The following CAST variants were observed in gnomAD, a reference collection of about 807,000 sequenced individuals.
The protein encoded by CAST is calpastatin, also known as MIR583 host.
A neutral mutation model predicts 119.6 loss-of-function variants in CAST; 76 were observed. The observed-to-expected ratio is 0.64, with a 90% CI of 0.53 to 0.77. The LOEUF (loss-of-function observed/expected upper bound fraction) is 0.77, where lower values mean the gene tolerates loss of function less well. Among genes scored for constraint, CAST ranks in the 30% least tolerant of loss-of-function variants. CAST has a pLI of 0.00. For synonymous variants in CAST, 319 were observed against 331.6 expected (o/e 0.96, Z 0.41); for missense variants, 953 against 946.5 (o/e 1.01, Z -0.09).
intron 1 of CAST, among the ~76,000 whole-genome samples, chr5:96,596,033 G>A (rs1449487687): frequency 6.6e-6 from 1 of 152,190 alleles, no homozygotes; most frequent in Non-Finnish European, 1.5e-5. Context: ...TTTGTGCTTA[G>A]GAGTGTGAGG....
At chr5:96,374,569 G>C in the CAST span, among the ~76,000 whole-genome samples, 1 of 152,138 alleles carries the variant, frequency 6.6e-6, no homozygotes, top group African/African-American at 2.4e-5. Flanking sequence ...GTGTCGATGG[G>C]TACAGTAATT....
chr5:96,102,412 G>C, the CAST span, among the ~76,000 whole-genome samples: 1 of 152,294 alleles, frequency 6.6e-6, no homozygotes, highest in African/African-American at 2.4e-5. Context: ...AGTCGAGCCA[G>C]TTCTCTCCCC....
the CAST span, chr5:96,415,992 A>T: frequency 8.1e-7 from 1 of 1,231,670 alleles, no homozygotes; most frequent in Admixed American, 1.7e-5. Flanking sequence ...TGTAAGCTTC[A>T]CATTAAAATG....
Position 96,675,584 on chromosome 5 carries a change from A to G in CAST, c.121A>G (p.Lys41Glu). 6.2e-7 allele frequency: 1 copy of G among 1,613,314 alleles called. No homozygotes were observed. Among genetic ancestry groups the G allele is most frequent in the Non-Finnish European group, 8.5e-7 (1 of 1,179,280 alleles). Reference protein sequence around the residue: ...TSESPSKPGEKKGSDEKKAAS... With the variant: ...TSESPSKPGEEKGSDEKKAAS... ...TGAATCGCCTTCCAAACCAGGAGAAAAGAAAGGATCAGATGAGGTAATTTC... is the reference window on the plus strand; with the variant it reads ...TGAATCGCCTTCCAAACCAGGAGAAGAGAAAGGATCAGATGAGGTAATTTC... The change falls in exon 2 of 32, where the codon AAG (lysine) becomes GAG (glutamate). Residue 41 changes from lysine (K) to glutamate (E), a missense_variant. By Grantham distance (56) the Lys-to-Glu change is moderately conservative (BLOSUM62 1). Transcript: ENST00000675179.
the CAST span, among the ~76,000 whole-genome samples, chr5:96,348,498 G>A: frequency 6.6e-6 from 1 of 152,042 alleles, no homozygotes; most frequent in African/African-American, 2.4e-5. Flanking sequence ...GCTTTTGATG[G>A]TAAGGGACAA....
chr5:96,122,766 A>G, the CAST span, among the ~76,000 whole-genome samples: 2 of 152,086 alleles, frequency 1.3e-5, no homozygotes, highest in Non-Finnish European at 2.9e-5. Flanking sequence ...TATTTATAGA[A>G]GTGAAATTTG....
At chr5:96,581,893 A>AAAAT (rs10631862) in intron 1 of CAST, among the ~76,000 whole-genome samples, 96,100 of 149,094 alleles carry the variant, frequency 0.64, 31,280 homozygotes, top group South Asian at 0.75. Context: ...TCTGTCTCAA[A>AAAAT]AAATAAATAA....
At chr5:96,170,969 T>A in the CAST span, among the ~76,000 whole-genome samples, 73 of 151,898 alleles carry the variant, frequency 4.8e-4, no homozygotes, top group Middle Eastern at 3.4e-3. Context: ...AGGAGCAGCC[T>A]GGGGAGGAGG....
intron 1 of CAST, among the ~76,000 whole-genome samples, chr5:96,627,868 A>G (rs1429683965): frequency 6.6e-6 from 1 of 152,224 alleles, no homozygotes; most frequent in African/African-American, 2.4e-5. Context: ...TAAACCCTCC[A>G]GGTGAAACCT....
the CAST span, among the ~76,000 whole-genome samples, chr5:96,450,958 A>G: frequency 6.6e-6 from 1 of 152,180 alleles, no homozygotes; most frequent in African/African-American, 2.4e-5. Context: ...AAACTGAATA[A>G]GAGTTCATAT....
intron 1 of CAST, among the ~76,000 whole-genome samples, chr5:96,566,985 T>C (rs1746478670): frequency 6.6e-6 from 1 of 152,190 alleles, no homozygotes; most frequent in African/African-American, 2.4e-5. Flanking sequence ...CAGCATTGGG[T>C]TCCTTTCATC....
At chr5:96,226,784 C>T in the CAST span, among the ~76,000 whole-genome samples, 1 of 152,200 alleles carries the variant, frequency 6.6e-6, no homozygotes, top group Non-Finnish European at 1.5e-5. Flanking sequence ...TTGTTCTACC[C>T]AACAGCCCTC....
At chr5:96,619,334 T>C (rs1165794135) in intron 1 of CAST, among the ~76,000 whole-genome samples, 1 of 152,168 alleles carries the variant, frequency 6.6e-6, no homozygotes, top group African/African-American at 2.4e-5. Context: ...AGCTCAGGGA[T>C]TGTAAACACA....
At chr5:96,394,979 A>G in the CAST span, 1 of 1,614,056 alleles carries the variant, frequency 6.2e-7, no homozygotes, top group Non-Finnish European at 8.5e-7. Flanking sequence ...CCCGTGCAAA[A>G]TCAGCTTCCA....
At chr5:96,076,176 T>A in the CAST span, among the ~76,000 whole-genome samples, 9 of 152,304 alleles carry the variant, frequency 5.9e-5, 1 homozygote, top group Middle Eastern at 3.4e-3. Context: ...AATTTTGGAC[T>A]CTGAGCCTGA....
chr5:96,651,194 G>C (rs931734949), intron 1 of CAST, among the ~76,000 whole-genome samples: 1 of 152,162 alleles, frequency 6.6e-6, no homozygotes, highest in African/African-American at 2.4e-5. Context: ...TGTGCCCTGG[G>C]CTCCTCAGCA....
chr5:96,305,685 G>A, the CAST span, among the ~76,000 whole-genome samples: 1 of 152,120 alleles, frequency 6.6e-6, no homozygotes, highest in East Asian at 1.9e-4. Flanking sequence ...TTTGTCGAAG[G>A]CCTTTTCTGC....
chr5:96,757,290 T>C (rs1182077915), intron 22 of CAST, among the ~76,000 whole-genome samples, 154 bp from the exon 23 acceptor site: 1 of 152,238 alleles, frequency 6.6e-6, no homozygotes, highest in African/African-American at 2.4e-5. Context: ...TAGAGCATAT[T>C]CTCTGGTGAG....
the CAST span, among the ~76,000 whole-genome samples, chr5:96,197,024 C>T: frequency 6.6e-6 from 1 of 152,170 alleles, no homozygotes; most frequent in Non-Finnish European, 1.5e-5. Flanking sequence ...ACAACTATGA[C>T]TCTTACAAAA....
Sources: gnomAD v4.1 joint callset for allele counts (sites outside exome capture counted in the v4.1 genomes callset) on GRCh38, gnomAD v4.1.1 for gene constraint, MANE v1.5 for transcripts, NCBI Gene and HGNC (gene_info 2026-07-23, HGNC 2026-07-21) for gene names.